RABEPK: variants seen among roughly 807,000 people sequenced by gnomAD.
RABEPK encodes the protein Rab9 effector protein with kelch motifs.
Under a neutral mutation model 34.1 loss-of-function variants are expected in RABEPK, and 27 were observed. The ratio of observed to expected loss-of-function variants is 0.79; its 90% CI spans 0.58 to 1.09. The LOEUF is 1.09. Ranked by LOEUF, RABEPK falls within the 50% of genes least tolerant of loss-of-function variation. RABEPK has a pLI of 0.00. For missense variants in RABEPK, 449 were observed against 462.6 expected, an observed-to-expected ratio of 0.97 and a Z score of 0.27; for synonymous variants, 172 against 169.2, an observed-to-expected ratio of 1.02 and a Z score of -0.13.
chr9:125,215,734 G>A (rs1830894627), intron 4 of RABEPK, among the ~76,000 whole-genome samples: 1 of 152,092 alleles, frequency 6.6e-6, no homozygotes, highest in South Asian at 2.1e-4. Flanking sequence ...TAACAAAGCA[G>A]TGAACATCTT....
chr9:125,225,774 C>T (rs1831689206), intron 5 of RABEPK, among the ~76,000 whole-genome samples: 1 of 151,926 alleles, frequency 6.6e-6, no homozygotes, highest in African/African-American at 2.4e-5. Context: ...TCCTGGCTAA[C>T]ACGGTGAAAC....
rs549480261 is a variant in RABEPK at position 125,230,751 on chromosome 9, G to A, written c.677-1845G>A. Among the ~76,000 whole-genome samples the A allele has an allele frequency of 5.3e-5, 8 of 151,124 alleles. No homozygotes were observed. In the South Asian group the frequency reaches 1.5e-3, roughly 28 times the overall value. ...AGGGTTTCACCGTGTTAGCCAGGAT[G>A]GTCTCAATCTCCTGACCTTGTGATC... On this transcript the variant is annotated intron_variant, in intron 6 of 7. Coordinates refer to ENST00000373538, the MANE Select transcript of RABEPK (RefSeq NM_005833.4).
intron 5 of RABEPK, among the ~76,000 whole-genome samples, chr9:125,227,062 C>G (rs1229962893): frequency 4.0e-5 from 6 of 151,420 alleles, no homozygotes; most frequent in African/African-American, 1.2e-4. Context: ...CCCAGCTACT[C>G]TGGAGGCTGA....
intron 4 of RABEPK, 42 bp from the exon 5 acceptor site, chr9:125,220,496 CT>C (rs35811664): frequency 0.55 from 866,955 of 1,586,026 alleles, 240,160 homozygotes; most frequent in Admixed American, 0.7. Context: ...TCAGAAGCCC[CT>C]CTACCTGGAT....
At chr9:125,213,557 A>C in intron 4 of RABEPK, 35 bp downstream of exon 4, 1 of 1,575,398 alleles carries the variant, frequency 6.3e-7, no homozygotes, top group South Asian at 1.1e-5. Flanking sequence ...TTACGTACAT[A>C]CAAATAAACT....
At chr9:125,201,005 G>T (rs1829872717) in intron 1 of RABEPK, 99 bp downstream of exon 1, 2 of 373,498 alleles carry the variant, frequency 5.4e-6, no homozygotes, top group Admixed American at 6.6e-5. Flanking sequence ...TAGGTTCTCG[G>T]AATGGATCTG....
At chr9:125,220,831 CT>C in intron 5 of RABEPK, 131 bp downstream of exon 5, 1 of 1,176,170 alleles carries the variant, frequency 8.5e-7, no homozygotes, top group Non-Finnish European at 1.1e-6. Flanking sequence ...TGTTATATCT[CT>C]TAGCTGATAT....
At chr9:125,224,897 C>CCTTTTATTTA (rs1367144691) in intron 5 of RABEPK, among the ~76,000 whole-genome samples, 2 of 152,166 alleles carry the variant, frequency 1.3e-5, no homozygotes, top group Non-Finnish European at 2.9e-5. Context: ...ACTGCCACAT[C>CCTTTTATTTA]AGGAGTCCCT....
chr9:125,228,668 G>GA (rs1254213351), intron 6 of RABEPK, among the ~76,000 whole-genome samples: 7,124 of 91,968 alleles, frequency 0.077, 243 homozygotes, highest in Non-Finnish European at 0.11. Flanking sequence ...CCAAAAAAAA[G>GA]AAAAAAAAAA....
At chr9:125,224,713 C>G (rs1831613363) in intron 5 of RABEPK, among the ~76,000 whole-genome samples, 1 of 152,108 alleles carries the variant, frequency 6.6e-6, no homozygotes, top group African/African-American at 2.4e-5. Flanking sequence ...CTTGGCCTCC[C>G]AAAGTGCTGG....
At chr9:125,201,040 A>G in intron 1 of RABEPK, 134 bp downstream of exon 1, 1 of 355,300 alleles carries the variant, frequency 2.8e-6, no homozygotes, top group Non-Finnish European at 5.6e-6. Flanking sequence ...CTAGGAACTT[A>G]GTCTAGTGGA....
At chr9:125,228,127 G>A in intron 6 of RABEPK, 68 bp downstream of exon 6, 1 of 1,257,632 alleles carries the variant, frequency 8.0e-7, no homozygotes. Context: ...TTTTTAGACA[G>A]GATCTCTGTC....
intron 7 of RABEPK, among the ~76,000 whole-genome samples, chr9:125,233,329 GTTTTTTTTTT>G (rs1233648822): frequency 3.7e-5 from 3 of 81,888 alleles, no homozygotes; most frequent in East Asian, 3.6e-4. Flanking sequence ...TCTGGAAATT[GTTTTTTTTTT>G]TTTTTTTTTT....
intron 4 of RABEPK, among the ~76,000 whole-genome samples, chr9:125,216,477 C>T (rs1429965657): frequency 6.6e-6 from 1 of 151,112 alleles, no homozygotes; most frequent in Admixed American, 6.6e-5. Flanking sequence ...ACCAAATTTT[C>T]TTATATGTCA....
intron 2 of RABEPK, among the ~76,000 whole-genome samples, chr9:125,207,316 A>G (rs944303497): frequency 2.6e-5 from 4 of 152,136 alleles, no homozygotes; most frequent in Non-Finnish European, 4.4e-5. Flanking sequence ...CCAAATGGGG[A>G]AAAATAAGCC....
At chr9:125,215,460 C>A (rs2131391850) in intron 4 of RABEPK, among the ~76,000 whole-genome samples, 1 of 151,998 alleles carries the variant, frequency 6.6e-6, no homozygotes, top group East Asian at 1.9e-4. Context: ...CAGGCGCTTG[C>A]CACCATGCCT....
At chr9:125,219,624 A>G (rs868599731) in intron 4 of RABEPK, among the ~76,000 whole-genome samples, 5 of 152,080 alleles carry the variant, frequency 3.3e-5, no homozygotes, top group Middle Eastern at 3.4e-3. Flanking sequence ...GCTGGTCTAG[A>G]ACTCCTACCC....
chr9:125,206,825 C>T (rs530157489), intron 2 of RABEPK, among the ~76,000 whole-genome samples: 5 of 152,318 alleles, frequency 3.3e-5, no homozygotes, highest in African/African-American at 1.2e-4. Context: ...CACGGTGGCT[C>T]ACGCCTGTAA....
At chr9:125,212,542 G>C (rs965475416) in intron 3 of RABEPK, among the ~76,000 whole-genome samples, 1 of 151,806 alleles carries the variant, frequency 6.6e-6, no homozygotes, top group South Asian at 2.1e-4. Context: ...ACTATTCTGT[G>C]AACTTGTCTT....
Sources: allele counts gnomAD v4.1 joint callset (sites outside exome capture counted in the v4.1 genomes callset), GRCh38; gene constraint gnomAD v4.1.1; transcripts MANE v1.5; gene names NCBI Gene and HGNC (gene_info 2026-07-23, HGNC 2026-07-21).